CREB5: variants seen among roughly 807,000 people sequenced by gnomAD.
CREB5 encodes the protein cyclic AMP-responsive element-binding protein 5.
A neutral mutation model predicts 57.1 loss-of-function variants in CREB5; 19 were observed. The ratio of observed to expected loss-of-function variants is 0.33; its 90% CI spans 0.23 to 0.49. The LOEUF is 0.49. CREB5 is among the 20% of genes least tolerant of loss of function. The probability of loss-of-function intolerance (pLI) is 0.99; values close to 1 mark genes in which losing one functional copy is unlikely to be tolerated. For missense variants in CREB5, 579 were observed against 671.6 expected (o/e 0.86, Z 1.52); for synonymous variants, 238 against 238.3 (o/e 1.00, Z 0.01).
At chr7:28,737,545 A>ACG (rs1804068177) in intron 7 of CREB5, among the ~76,000 whole-genome samples, 1 of 8,582 alleles carries the variant, frequency 1.2e-4, no homozygotes, top group Non-Finnish European at 3.2e-4. Flanking sequence ...ATACGTATAT[A>ACG]TATATATATA....
intron 5 of CREB5, 58 bp downstream of exon 5, chr7:28,570,595 G>T: frequency 1.3e-6 from 2 of 1,567,756 alleles, no homozygotes; most frequent in South Asian, 1.2e-5. Context: ...AAATGTCCTG[G>T]ACTTCCTCCT....
At position 28,359,174 on chromosome 7, in the gene CREB5, C is replaced by T. The variant is rs987020083; in HGVS notation, c.-25+59733C>T. ...GAAGAAAAAAATCCCAAACCCAAAA[C>T]GAAACAAACAAACAAAAACCCAAAA... On this transcript the variant is annotated intron_variant, in intron 1 of 9. Coordinates refer to the CREB5 transcript ENST00000396299. 3.5e-5 allele frequency among the ~76,000 whole-genome samples: 5 copies of T among 142,704 alleles called. No individual in the cohort carries two copies. The South Asian group carries it at 6.9e-4, about 20-fold the overall frequency. 93.6% of individuals were successfully genotyped at this position (142,704 alleles called of 152,430 possible). A position where few individuals can be genotyped will look rare whatever the true frequency, so the allele number is the denominator to read the frequency against.
chr7:28,642,905 G>A (rs949159689), intron 5 of CREB5, among the ~76,000 whole-genome samples: 1 of 149,628 alleles, frequency 6.7e-6, no homozygotes, highest in Admixed American at 6.7e-5. Context: ...AGTGTATACA[G>A]ATCTGTTTAA....
intron 5 of CREB5, among the ~76,000 whole-genome samples, chr7:28,674,852 C>G (rs1399993197): frequency 6.6e-6 from 1 of 152,236 alleles, no homozygotes; most frequent in Non-Finnish European, 1.5e-5. Flanking sequence ...CTTCTTTAGA[C>G]TTTCCAGTGG....
intron 4 of CREB5, among the ~76,000 whole-genome samples, chr7:28,540,837 C>T (rs915339283): frequency 2.0e-5 from 3 of 152,156 alleles, no homozygotes; most frequent in Admixed American, 6.5e-5. Flanking sequence ...TCCCTGTTAC[C>T]TCCTTCTGCC....
At chr7:28,442,861 C>G (rs901897615) in intron 1 of CREB5, among the ~76,000 whole-genome samples, 1 of 152,162 alleles carries the variant, frequency 6.6e-6, no homozygotes, top group Non-Finnish European at 1.5e-5. Flanking sequence ...ATTACATTCT[C>G]TTTTTGAATA....
chr7:28,687,009 A>G (rs1800970324), intron 5 of CREB5, among the ~76,000 whole-genome samples: 1 of 152,044 alleles, frequency 6.6e-6, no homozygotes, highest in Non-Finnish European at 1.5e-5. Flanking sequence ...TTTTGAGTGT[A>G]ACTGGTGAAT....
upstream of CREB5, among the ~76,000 whole-genome samples, chr7:28,411,359 G>A (rs1177064663): frequency 1.3e-5 from 2 of 152,142 alleles, no homozygotes; most frequent in African/African-American, 2.4e-5. Flanking sequence ...AATGTGAGTC[G>A]TTGAACCTAA....
chr7:28,528,704 C>CAAAAAAA (rs778154325), intron 4 of CREB5, among the ~76,000 whole-genome samples: 11 of 58,366 alleles, frequency 1.9e-4, no homozygotes, highest in South Asian at 6.2e-4. Context: ...AACTCCATCT[C>CAAAAAAA]AAAAAAAAAA....
intron 5 of CREB5, among the ~76,000 whole-genome samples, chr7:28,586,594 A>G (rs1165119358): frequency 1.3e-5 from 2 of 152,222 alleles, no homozygotes; most frequent in African/African-American, 4.8e-5. Context: ...AAGAAAAGAG[A>G]TCAGAGTAAA....
At chr7:28,575,462 G>A (rs1032238579) in intron 5 of CREB5, among the ~76,000 whole-genome samples, 5 of 152,196 alleles carry the variant, frequency 3.3e-5, no homozygotes, top group Admixed American at 1.3e-4. Context: ...ATGCATATGC[G>A]TATGAATCTA....
intron 1 of CREB5, among the ~76,000 whole-genome samples, chr7:28,358,384 G>A (rs1395063770): frequency 6.6e-6 from 1 of 152,212 alleles, no homozygotes; most frequent in Non-Finnish European, 1.5e-5. Context: ...GTGTCTCTGG[G>A]ACTTGACACG....
At chr7:28,730,628 C>A (rs1311180789) in intron 7 of CREB5, among the ~76,000 whole-genome samples, 1 of 152,106 alleles carries the variant, frequency 6.6e-6, no homozygotes, top group Non-Finnish European at 1.5e-5. Flanking sequence ...TAATGTTTAG[C>A]CAGCAGTAGG....
At chr7:28,549,627 C>G (rs1378084814) in intron 4 of CREB5, among the ~76,000 whole-genome samples, 1 of 152,146 alleles carries the variant, frequency 6.6e-6, no homozygotes, top group East Asian at 1.9e-4. Flanking sequence ...GTTTCCTTCT[C>G]TAATTCCTTG....
Position 28,320,365 on chromosome 7 carries a change from A to G in CREB5, c.-25+20924A>G, listed in dbSNP as rs143419665. ...ATTACAGGGAATCTAGGGGCCGTTC[A>G]ATGCCAGAGGATCCCACCCAGGAAA... On this transcript the variant is annotated intron_variant, in intron 1 of 9. Transcript: ENST00000396299. Among the ~76,000 whole-genome samples the G allele has an allele frequency of 3.5e-3, 528 of 152,276 alleles. 3 individuals carry two copies. The highest frequency in any genetic ancestry group is 0.011 in the African/African-American group (468 of 41,552).
chr7:28,390,842 C>T (rs1787202550), intron 1 of CREB5, among the ~76,000 whole-genome samples: 1 of 152,038 alleles, frequency 6.6e-6, no homozygotes, highest in Non-Finnish European at 1.5e-5. Flanking sequence ...GAATGCTTTC[C>T]CTGGCAATTG....
chr7:28,616,125 G>A (rs1214307469), intron 5 of CREB5, among the ~76,000 whole-genome samples: 1 of 152,128 alleles, frequency 6.6e-6, no homozygotes, highest in East Asian at 1.9e-4. Flanking sequence ...TGTATCTCTT[G>A]TAAACTGGTA....
chr7:28,476,828 T>C (rs1273555482), intron 1 of CREB5, among the ~76,000 whole-genome samples: 1 of 152,222 alleles, frequency 6.6e-6, no homozygotes, highest in African/African-American at 2.4e-5. Context: ...GAGGAGATGA[T>C]ATGATATTTT....
chr7:28,621,769 C>G (rs1797800910), intron 5 of CREB5, among the ~76,000 whole-genome samples: 1 of 152,160 alleles, frequency 6.6e-6, no homozygotes, highest in African/African-American at 2.4e-5. Context: ...ACCTGAAAGA[C>G]AGGATGATGT....
Sources: allele counts gnomAD v4.1 joint callset (sites outside exome capture counted in the v4.1 genomes callset), GRCh38; gene constraint gnomAD v4.1.1; transcripts MANE v1.5; gene names NCBI Gene and HGNC (gene_info 2026-07-23, HGNC 2026-07-21).